SGK3: variants seen among roughly 807,000 people sequenced by gnomAD.
The protein encoded by SGK3 is serine/threonine-protein kinase Sgk3.
Under a neutral mutation model 68.5 loss-of-function variants are expected in SGK3, and 47 were observed. That is an observed-to-expected ratio of 0.69 (90% CI 0.54 to 0.87). The LOEUF is 0.87. SGK3 is among the 40% of genes least tolerant of loss of function. The pLI, the probability that SGK3 is intolerant of heterozygous loss-of-function variation, is 0.00. For synonymous variants in SGK3, 181 were observed against 189.1 expected (o/e 0.96, Z 0.35); for missense variants, 479 against 575.5 (o/e 0.83, Z 1.72).
chr8:66,785,627 A>AAAATT (rs1807167550), intron 1 of SGK3, among the ~76,000 whole-genome samples: 1 of 152,192 alleles, frequency 6.6e-6, no homozygotes, highest in African/African-American at 2.4e-5. Context: ...TCCTCTAGGC[A>AAAATT]AAATTGGCCC....
At chr8:66,826,908 G>T (rs1304873776) in intron 6 of SGK3, among the ~76,000 whole-genome samples, 2 of 151,998 alleles carry the variant, frequency 1.3e-5, no homozygotes, top group East Asian at 3.9e-4. Context: ...GCCTCCCAAA[G>T]TGCTGGGATT....
At chr8:66,714,086 A>G (rs1176937459) in intron 1 of SGK3, among the ~76,000 whole-genome samples, 1 of 152,240 alleles carries the variant, frequency 6.6e-6, no homozygotes, top group Non-Finnish European at 1.5e-5. Context: ...CTGCCACTGC[A>G]TGGAGCCTAC....
At chr8:66,815,213 T>C (rs1475515526) in intron 5 of SGK3, among the ~76,000 whole-genome samples, 1 of 152,226 alleles carries the variant, frequency 6.6e-6, no homozygotes, top group Non-Finnish European at 1.5e-5. Context: ...ATTTACTAAA[T>C]TACTAAAATG....
intron 4 of SGK3, among the ~76,000 whole-genome samples, chr8:66,808,909 G>T (rs1013910703): frequency 7.9e-5 from 12 of 151,922 alleles, no homozygotes; most frequent in African/African-American, 2.4e-4. Flanking sequence ...CTCCCTTGTT[G>T]CTCAGGCTGG....
intron 1 of SGK3, among the ~76,000 whole-genome samples, chr8:66,792,767 C>G (rs753946414): frequency 1.3e-5 from 2 of 152,084 alleles, no homozygotes; most frequent in African/African-American, 2.4e-5. Flanking sequence ...TGGTCTGTGC[C>G]TATAGTCGCA....
intron 5 of SGK3, among the ~76,000 whole-genome samples, chr8:66,816,031 A>C (rs573745147): frequency 4.1e-4 from 63 of 152,164 alleles, no homozygotes; most frequent in African/African-American, 1.3e-3. Context: ...ACGGAGTCTC[A>C]CTGTGTCGCC....
intron 10 of SGK3, 140 bp from the exon 11 acceptor site, chr8:66,839,863 C>T: frequency 4.2e-6 from 3 of 720,292 alleles, no homozygotes; most frequent in Admixed American, 3.2e-5. Flanking sequence ...CATTTCTGTG[C>T]CTTGTTAACA....
chr8:66,812,577 G>A (rs1451873318), intron 4 of SGK3, among the ~76,000 whole-genome samples: 3 of 151,300 alleles, frequency 2.0e-5, no homozygotes, highest in African/African-American at 4.9e-5. Context: ...AAAAAAAGAG[G>A]GTTTAGGATA....
chr8:66,734,249 T>TA (rs1491571462), intron 1 of SGK3, among the ~76,000 whole-genome samples: 24 of 138,646 alleles, frequency 1.7e-4, no homozygotes, highest in Admixed American at 1.5e-3. Flanking sequence ...TTTTTTTTTT[T>TA]ACCATTTTGA....
intron 5 of SGK3, among the ~76,000 whole-genome samples, chr8:66,816,758 G>GA (rs1808600098): frequency 6.6e-6 from 1 of 152,208 alleles, no homozygotes; most frequent in African/African-American, 2.4e-5. Flanking sequence ...GGCAAGAAGA[G>GA]AAGCCAGTCA....
intron 1 of SGK3, among the ~76,000 whole-genome samples, chr8:66,776,588 G>C (rs1290611413): frequency 6.6e-6 from 1 of 152,164 alleles, no homozygotes; most frequent in East Asian, 1.9e-4. Flanking sequence ...ATCAATAAAT[G>C]GCAGAGCTTA....
chr8:66,855,441 A>G (rs1354006613), intron 16 of SGK3, among the ~76,000 whole-genome samples: 1 of 152,156 alleles, frequency 6.6e-6, no homozygotes, highest in African/African-American at 2.4e-5. Context: ...GACCTTAGGC[A>G]ATCCGCCTAT....
In SGK3 at chr8:66,822,450, T is replaced by G; in HGVS notation, c.408T>G (p.Ser136Arg). 1.2e-6 allele frequency: 2 copies of G among 1,610,884 alleles called. No individual in the cohort carries two copies. Among genetic ancestry groups the G allele is most frequent in the Non-Finnish European group, 1.7e-6 (2 of 1,178,530 alleles). The stretch of plus-strand genomic sequence containing the variant: ...CATCTGAAGATGAGGATGAAAGAAG[T>G]TCTCAGAAGGTAGTAAGAGGAATTG... ...SDPSEDEDER[S>R]SQKLHSTSQN... The change falls in exon 6 of 17, where the codon AGT becomes AGG. Residue 136 changes from serine to arginine, a missense_variant. Transcript: ENST00000521198.
chr8:66,758,036 A>ACACACACACC (rs1448552273), intron 1 of SGK3, among the ~76,000 whole-genome samples: 2 of 146,952 alleles, frequency 1.4e-5, no homozygotes, highest in East Asian at 2.0e-4. Context: ...ACACACACAC[A>ACACACACACC]CCCTTTACAT....
chr8:66,765,565 T>C (rs962799023), intron 1 of SGK3, among the ~76,000 whole-genome samples: 3 of 152,168 alleles, frequency 2.0e-5, no homozygotes, highest in Non-Finnish European at 4.4e-5. Context: ...TTGAGATTTT[T>C]TTTCTTTTCC....
At chr8:66,800,379 C>CTTTTTTT (rs35415180) in intron 3 of SGK3, among the ~76,000 whole-genome samples, 10 of 102,318 alleles carry the variant, frequency 9.8e-5, no homozygotes, top group East Asian at 2.8e-4. Context: ...TTTTTCATTT[C>CTTTTTTT]TTTTTTTTTT....
intron 1 of SGK3, chr8:66,767,346 A>G: frequency 9.5e-7 from 1 of 1,048,274 alleles, no homozygotes. Context: ...CTGTTAAACA[A>G]ATAATGCTTT....
rs1198208605 is a variant in SGK3, at chr8:66,860,065, GA to G, written c.*487del. ...ATTTTTCCATGATAAATCACTGTTT[GA>G]AATATTTGGTTCATGGTATGATCGA... On this transcript the variant is annotated 3_prime_UTR_variant, in exon 17 of 17. Coordinates refer to ENST00000521198, the MANE Select transcript of SGK3 (RefSeq NM_001033578.3). The G allele has an allele frequency of 1.3e-5, 2 of 152,908 alleles. No individual in the cohort carries two copies. The highest frequency in any genetic ancestry group is 2.4e-5 in the African/African-American group (1 of 41,462). The allele number at this position is 152,908 out of a possible 1,614,324, so 9.5% of individuals were successfully genotyped here.
intron 1 of SGK3, among the ~76,000 whole-genome samples, chr8:66,754,943 A>G (rs1459835106): frequency 6.6e-6 from 1 of 152,180 alleles, no homozygotes; most frequent in Non-Finnish European, 1.5e-5. Context: ...GCATCCCCAG[A>G]ATACCTGCAT....
Sources: gnomAD v4.1 joint callset for allele counts (sites outside exome capture counted in the v4.1 genomes callset) on GRCh38, gnomAD v4.1.1 for gene constraint, MANE v1.5 for transcripts, NCBI Gene and HGNC (gene_info 2026-07-23, HGNC 2026-07-21) for gene names.